The following TTC3 variants were observed in gnomAD, a reference collection of about 807,000 sequenced individuals.
TTC3 encodes tetratricopeptide repeat domain 3, also known as E3 ubiquitin-protein ligase TTC3.
A neutral mutation model predicts 249.6 loss-of-function variants in TTC3; 180 were observed. That is an observed-to-expected ratio of 0.72 (90% confidence interval 0.64 to 0.82). The LOEUF (loss-of-function observed/expected upper bound fraction) is 0.82, where lower values mean the gene tolerates loss of function less well. Among genes scored for constraint, TTC3 ranks in the 40% least tolerant of loss-of-function variants. The pLI, the probability that TTC3 is intolerant of heterozygous loss-of-function variation, is 0.00. For synonymous variants in TTC3, 717 were observed against 805.0 expected (o/e 0.89, Z 1.85); for missense variants, 2,061 against 2,398.4 (o/e 0.86, Z 2.94).
chr21:37,157,825 G>A (rs2080258331), intron 28 of TTC3, among the ~76,000 whole-genome samples: 1 of 152,092 alleles, frequency 6.6e-6, no homozygotes, highest in Admixed American at 6.5e-5. Context: ...GTGTGGTCCT[G>A]TTTTACTTAA....
intron 28 of TTC3, chr21:37,158,303 C>T: frequency 1.4e-6 from 1 of 701,212 alleles, no homozygotes; most frequent in Non-Finnish European, 1.8e-6. Flanking sequence ...TCTCAGCATA[C>T]ACTCGTCCTT....
chr21:37,143,990 G>A (rs976802927), intron 20 of TTC3, among the ~76,000 whole-genome samples: 2 of 151,312 alleles, frequency 1.3e-5, no homozygotes, highest in African/African-American at 4.9e-5. Context: ...AACTGTTGCA[G>A]GGACAAAAAA....
At chr21:37,078,939 G>C (rs1473252312) in intron 1 of TTC3, among the ~76,000 whole-genome samples, 3 of 152,178 alleles carry the variant, frequency 2.0e-5, no homozygotes, top group East Asian at 3.8e-4. Context: ...AACATTTGCT[G>C]TGAATTTTTG....
intron 44 of TTC3, among the ~76,000 whole-genome samples, chr21:37,199,828 G>A (rs1388262416): frequency 6.6e-6 from 1 of 152,126 alleles, no homozygotes; most frequent in African/African-American, 2.4e-5. Flanking sequence ...CTTCCGTCAT[G>A]ATTTTCCTTT....
chr21:37,165,395 T>G (rs2081156837), intron 32 of TTC3, among the ~76,000 whole-genome samples, 155 bp from the exon 33 acceptor site: 1 of 152,240 alleles, frequency 6.6e-6, no homozygotes, highest in African/African-American at 2.4e-5. Flanking sequence ...TTGATTGCAG[T>G]TAACCTTATG....
intron 11 of TTC3, among the ~76,000 whole-genome samples, chr21:37,119,141 TTAAA>T (rs2076389993): frequency 6.6e-6 from 1 of 152,218 alleles, no homozygotes; most frequent in Non-Finnish European, 1.5e-5. Context: ...TTGTTTTTCT[TTAAA>T]TATGCTTGAT....
intron 18 of TTC3, among the ~76,000 whole-genome samples, chr21:37,137,764 T>G (rs944039287): frequency 1.3e-5 from 2 of 152,210 alleles, no homozygotes; most frequent in Admixed American, 6.5e-5. Context: ...AAACCTTTTC[T>G]GAAAGTAAGA....
intron 2 of TTC3, 120 bp from the exon 3 acceptor site, chr21:37,087,713 G>C: frequency 1.2e-6 from 1 of 822,678 alleles, no homozygotes; most frequent in Admixed American, 2.9e-5. Context: ...GGCTGAAGAT[G>C]TGTTTGAAGC....
Position 37,088,245 on chromosome 21 carries a change from A to T in TTC3, c.237A>T (p.Gln79His). The change falls in exon 4 of 46, where the codon CAA becomes CAT. Residue 79 changes from glutamine to histidine, a missense_variant. By Grantham distance (24) the Gln-to-His change is conservative. Transcript: ENST00000355666. ...GTAGTAAACCAATTTCTGTCCTGCA[A>T]GATTATTGCGATGCCATTAAAATAA... 1.9e-6 allele frequency: 3 copies of T among 1,612,920 alleles called. 1 individual carries two copies. The East Asian group carries it at 6.7e-5, about 36-fold the overall frequency.
intron 34 of TTC3, among the ~76,000 whole-genome samples, chr21:37,171,136 A>G (rs1316865184): frequency 6.6e-6 from 1 of 152,230 alleles, no homozygotes; most frequent in Non-Finnish European, 1.5e-5. Context: ...GCAGTCTTAT[A>G]GTGAACATTT....
chr21:37,166,929 G>A (rs2081300495), intron 33 of TTC3, among the ~76,000 whole-genome samples: 1 of 152,170 alleles, frequency 6.6e-6, no homozygotes, highest in African/African-American at 2.4e-5. Context: ...GGAGAAGGTG[G>A]CTGTTTGTAG....
intron 34 of TTC3, among the ~76,000 whole-genome samples, chr21:37,169,390 AC>A (rs1468764450): frequency 1.3e-5 from 2 of 152,196 alleles, no homozygotes; most frequent in African/African-American, 4.8e-5. Flanking sequence ...TACTAAAAAT[AC>A]AAAAATTAGC....
exon 33 of TTC3, chr21:37,166,153 G>C: frequency 6.2e-7 from 1 of 1,614,076 alleles, no homozygotes; most frequent in South Asian, 1.1e-5. Context: ...AATCCCATTT[G>C]GTCACAGGAT....
chr21:37,175,668 A>T (rs974752956), intron 35 of TTC3, among the ~76,000 whole-genome samples: 1 of 151,734 alleles, frequency 6.6e-6, no homozygotes, highest in Non-Finnish European at 1.5e-5. Context: ...GAGGTATTAT[A>T]TATAGCTGAT....
At chr21:37,198,310 C>A (rs1011212022) in intron 44 of TTC3, among the ~76,000 whole-genome samples, 1 of 152,154 alleles carries the variant, frequency 6.6e-6, no homozygotes, top group Non-Finnish European at 1.5e-5. Context: ...CTCTCTTGCC[C>A]TTGTTTTGCT....
intron 1 of TTC3, chr21:37,084,195 G>T (rs2072086722): frequency 6.6e-6 from 1 of 152,186 alleles, no homozygotes; most frequent in Non-Finnish European, 1.5e-5. Flanking sequence ...TTGACATTGG[G>T]TGGCGGGGAA....
intron 31 of TTC3, among the ~76,000 whole-genome samples, chr21:37,163,673 C>T (rs575928700): frequency 6.6e-6 from 1 of 152,284 alleles, no homozygotes; most frequent in East Asian, 1.9e-4. Flanking sequence ...TTATTAATAC[C>T]ATTTACCAGT....
intron 1 of TTC3, chr21:37,083,550 G>C (rs2071996783): frequency 2.9e-6 from 1 of 340,696 alleles, no homozygotes; most frequent in African/African-American, 2.2e-5. Context: ...GAAATGACAA[G>C]AGTTAGTGGT....
chr21:37,080,084 T>C (rs2071426387), intron 1 of TTC3, among the ~76,000 whole-genome samples: 1 of 152,146 alleles, frequency 6.6e-6, no homozygotes, highest in Non-Finnish European at 1.5e-5. Context: ...TTTTTTTCAC[T>C]TAAATTACAC....
Sources: gnomAD v4.1 joint callset for allele counts (sites outside exome capture counted in the v4.1 genomes callset) on GRCh38, gnomAD v4.1.1 for gene constraint, MANE v1.5 for transcripts, NCBI Gene and HGNC (gene_info 2026-07-23, HGNC 2026-07-21) for gene names.